The following KCNT2 variants were observed in gnomAD, a reference collection of about 807,000 sequenced individuals.
KCNT2 encodes potassium sodium-activated channel subfamily T member 2, also known as potassium channel subfamily T member 2.
KCNT2 carries 67 observed loss-of-function variants against 153.8 expected under a neutral mutation model. The observed-to-expected ratio is 0.44, with a 90% confidence interval of 0.36 to 0.53. KCNT2 has a LOEUF of 0.53. Ranked by LOEUF, KCNT2 falls within the 20% of genes least tolerant of loss-of-function variation. The pLI is 0.00. For synonymous variants in KCNT2, 500 were observed against 458.8 expected, an observed-to-expected ratio of 1.09 and a Z score of -1.15; for missense variants, 975 against 1,354.8, an observed-to-expected ratio of 0.72 and a Z score of 4.40.
intron 1 of KCNT2, among the ~76,000 whole-genome samples, chr1:196,552,058 T>G (rs1657978551): frequency 6.6e-6 from 1 of 151,550 alleles, no homozygotes; most frequent in Non-Finnish European, 1.5e-5. Flanking sequence ...TCTTGCCAGT[T>G]CTGTTCTCCC....
At position 196,319,575 on chromosome 1, in the gene KCNT2, C is replaced by T. The variant is rs1663073443; in HGVS notation, c.2277-20G>A. 6.6e-7 allele frequency: 1 copy of T among 1,523,526 alleles called. No individual in the cohort carries two copies. Among genetic ancestry groups the T allele is most frequent in the African/African-American group, 1.4e-5 (1 of 72,740 alleles). The allele number at this position is 1,523,526 out of a possible 1,614,324, so 94.4% of individuals were successfully genotyped here. A position where few individuals can be genotyped will look rare whatever the true frequency, so the allele number is the denominator to read the frequency against. ...TCTGGCCTAAGTAGTAGATGGGTTACAAAATGAAACACAATGTCACAACAG... is the reference window on the plus strand; with the variant it reads ...TCTGGCCTAAGTAGTAGATGGGTTATAAAATGAAACACAATGTCACAACAG... On this transcript the variant is annotated intron_variant, in intron 19 of 27. Transcript: ENST00000294725.
At chr1:196,274,195 G>A (rs1256391627) in intron 25 of KCNT2, among the ~76,000 whole-genome samples, 6 of 151,392 alleles carry the variant, frequency 4.0e-5, no homozygotes, top group Non-Finnish European at 8.9e-5. Flanking sequence ...TAGCTAAGTA[G>A]GGGTTATAAA....
intron 5 of KCNT2, among the ~76,000 whole-genome samples, chr1:196,473,136 A>T (rs578236441): frequency 6.6e-6 from 1 of 152,262 alleles, no homozygotes; most frequent in East Asian, 1.9e-4. Context: ...AGGCTTGGAA[A>T]AGCTTTACCT....
At chr1:196,596,056 GTATATATATATATATATATATATATATA>G (rs1174131733) in intron 1 of KCNT2, among the ~76,000 whole-genome samples, 5 of 4,346 alleles carry the variant, frequency 1.2e-3, no homozygotes, top group African/African-American at 1.3e-3. Flanking sequence ...TCCATGATGT[GTATATATATATATATATATATATATATA>G]TATATATATA....
intron 17 of KCNT2, among the ~76,000 whole-genome samples, chr1:196,332,341 T>C (rs1240589537): frequency 1.3e-5 from 2 of 152,174 alleles, no homozygotes; most frequent in Non-Finnish European, 2.9e-5. Flanking sequence ...TCCAAAACAC[T>C]GTTTCCTGTG....
At chr1:196,301,031 G>T (rs2147961130) in intron 22 of KCNT2, among the ~76,000 whole-genome samples, 1 of 152,246 alleles carries the variant, frequency 6.6e-6, no homozygotes, top group East Asian at 1.9e-4. Context: ...ACCTGCCAAA[G>T]AAGAAAACAA....
rs117317907 is a variant in KCNT2, at chr1:196,313,580, A to G, written c.2483+2312T>C. Among the ~76,000 whole-genome samples the G allele has an allele frequency of 8.7e-4, 132 of 151,776 alleles. 1 individual carries two copies. The East Asian group carries it at 0.024, about 28-fold the overall frequency. On this transcript the variant is annotated intron_variant, in intron 21 of 27. Coordinates refer to ENST00000294725, the MANE Select transcript of KCNT2 (RefSeq NM_198503.5). The stretch of plus-strand genomic sequence containing the variant: ...TTTATGAGCAAAAGTGATTCTTCTT[A>G]TATCATAGAAACCTATAAATGTCTG...
intron 1 of KCNT2, among the ~76,000 whole-genome samples, chr1:196,580,146 T>C (rs1250541330): frequency 6.6e-6 from 1 of 152,010 alleles, no homozygotes; most frequent in East Asian, 1.9e-4. Context: ...ATCCAGCAAA[T>C]AGGACACTCA....
chr1:196,560,692 T>A (rs560223451), intron 1 of KCNT2, among the ~76,000 whole-genome samples: 1,252 of 110,648 alleles, frequency 0.011, 21 homozygotes, highest in African/African-American at 0.031. Flanking sequence ...AATGATATGA[T>A]GTTTTTTCTT....
intron 1 of KCNT2, among the ~76,000 whole-genome samples, chr1:196,591,429 C>T (rs890207292): frequency 7.9e-5 from 12 of 152,100 alleles, no homozygotes; most frequent in Non-Finnish European, 1.2e-4. Flanking sequence ...TGCAAACAGA[C>T]TAACACACTT....
At chr1:196,589,137 A>G (rs1206802231) in intron 1 of KCNT2, among the ~76,000 whole-genome samples, 1 of 151,992 alleles carries the variant, frequency 6.6e-6, no homozygotes, top group Non-Finnish European at 1.5e-5. Flanking sequence ...GTCACAAAAC[A>G]ATGGATTTAA....
chr1:196,263,389 G>A (rs1485623146), intron 25 of KCNT2, among the ~76,000 whole-genome samples: 3 of 151,896 alleles, frequency 2.0e-5, no homozygotes, highest in Admixed American at 6.6e-5. Context: ...CATAAGAACA[G>A]AAAACCAAAC....
intron 1 of KCNT2, among the ~76,000 whole-genome samples, chr1:196,496,467 C>CAA (rs548990555): frequency 4.9e-5 from 3 of 61,238 alleles, no homozygotes; most frequent in Admixed American, 3.9e-4. Context: ...GACTCTGTCT[C>CAA]AAAAAAAAAA....
intron 12 of KCNT2, among the ~76,000 whole-genome samples, chr1:196,410,210 A>G (rs1672177612): frequency 6.6e-6 from 1 of 151,428 alleles, no homozygotes; most frequent in African/African-American, 2.4e-5. Context: ...AATTCCTTAT[A>G]TAGTTTTGAA....
At chr1:196,356,789 G>C (rs1203264825) in intron 14 of KCNT2, among the ~76,000 whole-genome samples, 1 of 151,796 alleles carries the variant, frequency 6.6e-6, no homozygotes, top group African/African-American at 2.4e-5. Flanking sequence ...AGTCAGGCCA[G>C]ATATAGGATA....
At chr1:196,239,432 A>G (rs762964403) in intron 26 of KCNT2, among the ~76,000 whole-genome samples, 15 of 152,048 alleles carry the variant, frequency 9.9e-5, no homozygotes, top group East Asian at 1.9e-4. Flanking sequence ...TTCTTTTGCT[A>G]TATTAACTAG....
intron 12 of KCNT2, among the ~76,000 whole-genome samples, chr1:196,399,410 T>C (rs1399031607): frequency 1.3e-5 from 2 of 151,778 alleles, no homozygotes; most frequent in Middle Eastern, 6.3e-3. Context: ...TAATTCTATT[T>C]AAATTTGAAG....
At chr1:196,542,299 G>A (rs1196965819) in intron 1 of KCNT2, among the ~76,000 whole-genome samples, 4 of 152,094 alleles carry the variant, frequency 2.6e-5, no homozygotes, top group African/African-American at 9.7e-5. Flanking sequence ...CATAAACATA[G>A]TCAGAAAATT....
chr1:196,300,695 C>T (rs1318298915), intron 22 of KCNT2, among the ~76,000 whole-genome samples: 1 of 152,130 alleles, frequency 6.6e-6, no homozygotes, highest in Admixed American at 6.5e-5. Flanking sequence ...CACAGATTCC[C>T]TGTTTCTTTG....
Sources: allele counts gnomAD v4.1 joint callset (sites outside exome capture counted in the v4.1 genomes callset), GRCh38; gene constraint gnomAD v4.1.1; transcripts MANE v1.5; gene names NCBI Gene and HGNC (gene_info 2026-07-23, HGNC 2026-07-21).